Variants in FAM193A observed in about 807,000 individuals in gnomAD.
The protein encoded by FAM193A is family with sequence similarity 193 member A, also known as protein FAM193A.
Under a neutral mutation model 126.5 loss-of-function variants are expected in FAM193A, and 22 were observed. The ratio of observed to expected loss-of-function variants is 0.17; its 90% CI spans 0.12 to 0.25. FAM193A has a LOEUF of 0.25. Ranked by LOEUF, FAM193A falls within the 10% of genes least tolerant of loss-of-function variation. The pLI, the probability that FAM193A is intolerant of heterozygous loss-of-function variation, is 1.00. For synonymous variants in FAM193A, 761 were observed against 646.8 expected (o/e 1.18, Z -2.68); for missense variants, 1,675 against 1,672.8 (o/e 1.00, Z -0.02).
rs544497036 is a variant in FAM193A at position 2,716,765 on chromosome 4, C to T, written c.4454+661C>T. On this transcript the variant is annotated intron_variant, in intron 20 of 20. Transcript: ENST00000637812. ...GATCTCAGCTCACTGCAACCTCTGC[C>T]TCCCGGGTTCAAGCAATTCTCCTGC... is the stretch of plus-strand genomic sequence containing the variant. Among the ~76,000 whole-genome samples, 226 of 152,248 alleles carry T rather than the reference C, an allele frequency of 1.5e-3. 3 individuals are homozygous for T. The highest frequency in any genetic ancestry group is 2.6e-3 in the Non-Finnish European group (177 of 68,034).
At chr4:2,689,765 T>C (rs1716147807) in intron 14 of FAM193A, 61 bp downstream of exon 14, 1 of 1,238,004 alleles carries the variant, frequency 8.1e-7, no homozygotes, top group South Asian at 1.4e-5. Context: ...CTGACATCTT[T>C]GCCGTAGTCT....
At chr4:2,537,740 A>G (rs538957719) in intron 1 of FAM193A, among the ~76,000 whole-genome samples, 5 of 152,206 alleles carry the variant, frequency 3.3e-5, no homozygotes, top group South Asian at 4.1e-4. Context: ...TGGTCCTCCT[A>G]TGTGGTTATT....
At chr4:2,631,693 A>G (rs1293519528) in intron 5 of FAM193A, among the ~76,000 whole-genome samples, 1 of 152,236 alleles carries the variant, frequency 6.6e-6, no homozygotes, top group Non-Finnish European at 1.5e-5. Flanking sequence ...GTCTCAAGAC[A>G]GGCCCTATCA....
intron 1 of FAM193A, among the ~76,000 whole-genome samples, chr4:2,582,477 C>A (rs994873668): frequency 8.5e-5 from 13 of 152,076 alleles, no homozygotes; most frequent in Admixed American, 8.5e-4. Context: ...CCTCCTCTCT[C>A]TCTTTCTTTC....
intron 15 of FAM193A, 131 bp downstream of exon 15, chr4:2,691,101 C>G: frequency 1.3e-6 from 1 of 758,934 alleles, no homozygotes; most frequent in East Asian, 2.7e-5. Context: ...TAATTAACTG[C>G]CCAAAAATGC....
chr4:2,642,857 C>T (rs1272248988), intron 6 of FAM193A, among the ~76,000 whole-genome samples: 2 of 151,840 alleles, frequency 1.3e-5, no homozygotes, highest in African/African-American at 2.4e-5. Context: ...CTCAGCCTCC[C>T]GAGTAGCTGG....
rs140213757 is a variant in FAM193A, at chr4:2,659,973, C to T, written c.1664C>T (p.Ser555Leu). ...RSPPSVSSAS[S>L]GSGSSSPITI... ...CCGCCCAGTGTGTCATCTGCAAGCT[C>T]GGGGTCCGGCTCCAGCTCTCCCATC... The change falls in exon 10 of 21, where the codon TCG becomes TTG. Residue 555 changes from serine to leucine, a missense_variant. This residue lies in a region of FAM193A where 1,186 missense variants were observed against 1,109.2 expected (regional missense o/e 1.07). Transcript: ENST00000637812. 1.2e-4 allele frequency: 192 copies of T among 1,614,114 alleles called. No homozygotes were observed. Among genetic ancestry groups the T allele is most frequent in the Middle Eastern group, 6.6e-4 (4 of 6,062 alleles).
chr4:2,600,698 G>GC (rs111418544), intron 2 of FAM193A, among the ~76,000 whole-genome samples: 2,703 of 152,032 alleles, frequency 0.018, 63 homozygotes, highest in African/African-American at 0.052. Context: ...CCTCTCCAAG[G>GC]CCCACCCCCA....
chr4:2,645,061 T>A (rs1023757693), intron 6 of FAM193A, among the ~76,000 whole-genome samples: 6 of 146,700 alleles, frequency 4.1e-5, no homozygotes, highest in African/African-American at 1.0e-4. Flanking sequence ...TGTGTGTGTG[T>A]GAATGGGTAG....
chr4:2,625,304 C>G lies in FAM193A; in HGVS notation c.544C>G (p.Pro182Ala), dbSNP rs1471699958. 1.4e-6 allele frequency: 1 copy of G among 703,006 alleles called. No homozygotes were observed. Among genetic ancestry groups the G allele is most frequent in the African/African-American group, 1.7e-5 (1 of 57,402 alleles). The allele number at this position is 703,006 out of a possible 1,614,324, so 43.5% of individuals were successfully genotyped here. The change falls in exon 3 of 21, where the codon CCA (proline) becomes GCA (alanine). Residue 182 changes from proline (P) to alanine (A), a missense_variant. Pro to Ala is a conservative substitution (Grantham distance 27). Coordinates refer to ENST00000637812, the MANE Select transcript of FAM193A (RefSeq NM_001366318.2). ...TCACTCCTCGCTTGGTGGCTCCCAG[C>G]CAGAGGCCGGCAGTGGTGGGAGGCT... ...LLHSSLGGSQ[P>A]EAGSGGRLAL...
chr4:2,615,753 G>A (rs935118868), intron 2 of FAM193A, among the ~76,000 whole-genome samples: 6 of 152,122 alleles, frequency 3.9e-5, no homozygotes, highest in Non-Finnish European at 7.4e-5. Context: ...TCCTGACCTC[G>A]TGATCTGCCG....
chr4:2,559,831 C>A (rs1190140737), intron 1 of FAM193A, among the ~76,000 whole-genome samples: 1 of 152,226 alleles, frequency 6.6e-6, no homozygotes, highest in African/African-American at 2.4e-5. Context: ...TGCTGTTCCA[C>A]TGCTGTTGCG....
chr4:2,710,989 C>T lies in FAM193A; in HGVS notation c.4373-5034C>T, dbSNP rs182823228. Among the ~76,000 whole-genome samples, 55 of 151,080 alleles carry T rather than the reference C, an allele frequency of 3.6e-4. 2 individuals are homozygous for T. In the East Asian group the frequency reaches 0.01, roughly 28 times the overall value. On this transcript the variant is annotated intron_variant, in intron 19 of 20. Coordinates refer to ENST00000637812, the MANE Select transcript of FAM193A (RefSeq NM_001366318.2). ...GACTCAGCCTCCCAAGTAGCTGGGA[C>T]TACAGGCGCCCACCACCTCGCCCGG...
chr4:2,612,111 C>T (rs1361118602), intron 2 of FAM193A, among the ~76,000 whole-genome samples: 3 of 151,800 alleles, frequency 2.0e-5, no homozygotes, highest in Non-Finnish European at 4.4e-5. Context: ...GCTGGGATTA[C>T]AGGCGTGAGC....
intron 6 of FAM193A, among the ~76,000 whole-genome samples, chr4:2,640,781 A>G (rs1027776212): frequency 1.3e-4 from 20 of 152,022 alleles, no homozygotes; most frequent in Non-Finnish European, 2.2e-4. Flanking sequence ...CCTTGCCAAC[A>G]TGGTAAAACC....
chr4:2,599,469 G>A (rs1460921007), intron 2 of FAM193A, among the ~76,000 whole-genome samples: 1 of 152,174 alleles, frequency 6.6e-6, no homozygotes, highest in African/African-American at 2.4e-5. Context: ...TCTGCATCCA[G>A]AGGGGAAGTG....
At chr4:2,558,097 AC>A (rs1738373835) in intron 1 of FAM193A, among the ~76,000 whole-genome samples, 1 of 152,072 alleles carries the variant, frequency 6.6e-6, no homozygotes, top group Admixed American at 6.6e-5. Context: ...ACACGGTGAA[AC>A]CCCGTCTCTA....
intron 18 of FAM193A, among the ~76,000 whole-genome samples, chr4:2,699,230 G>T (rs1426956582): frequency 2.6e-5 from 4 of 152,172 alleles, no homozygotes; most frequent in African/African-American, 9.7e-5. Context: ...TTTGCTCAGA[G>T]TTCTGGCGGC....
intron 1 of FAM193A, among the ~76,000 whole-genome samples, chr4:2,591,026 CAA>C (rs113076132): frequency 5.3e-5 from 7 of 131,568 alleles, no homozygotes; most frequent in Middle Eastern, 3.8e-3. Context: ...GACTCCCTCT[CAA>C]AAAAAAAAAA....
Sources: gnomAD v4.1 joint callset for allele counts (sites outside exome capture counted in the v4.1 genomes callset) on GRCh38, gnomAD v4.1.1 for gene constraint, gnomAD v4.1.1 regional missense constraint, MANE v1.5 for transcripts, NCBI Gene and HGNC (gene_info 2026-07-23, HGNC 2026-07-21) for gene names.